COL5A1: variants seen among roughly 807,000 people sequenced by gnomAD.
COL5A1 encodes the protein collagen alpha-1(V) chain.
Under a neutral mutation model 263.7 loss-of-function variants are expected in COL5A1, and 16 were observed. That is an observed-to-expected ratio of 0.06 (90% CI 0.04 to 0.09). The LOEUF is 0.09. COL5A1 is among the 10% of genes least tolerant of loss of function. The pLI is 1.00. For missense variants in COL5A1, 2,036 were observed against 2,540.5 expected (o/e 0.80, Z 4.27); for synonymous variants, 1,012 against 1,004.5 (o/e 1.01, Z -0.14).
Position 134,716,335 on chromosome 9 carries a change from G to A in COL5A1, c.655-10931G>A, listed in dbSNP as rs1834259685. Among the ~76,000 whole-genome samples, 1 of 152,182 alleles carries A rather than the reference G, an allele frequency of 6.6e-6. No individual in the cohort carries two copies. The highest frequency in any genetic ancestry group is 1.9e-4 in the East Asian group (1 of 5,194). On this transcript the variant is annotated intron_variant, in intron 4 of 65. Transcript: ENST00000371817. This position sits in a 1 kb window ranked among gnomAD's most constrained non-coding sequence, Gnocchi z 4.5. Reference sequence around the variant, plus strand: ...TGCCTTCCCTGTGCCATTCTTCTCGGGCAGTGCTGCCAAGGGTCAGGTGGC... The same window carrying A: ...TGCCTTCCCTGTGCCATTCTTCTCGAGCAGTGCTGCCAAGGGTCAGGTGGC...
intron 64 of COL5A1, among the ~76,000 whole-genome samples, chr9:134,831,501 G>A (rs1245229094): frequency 6.6e-6 from 1 of 152,174 alleles, no homozygotes; most frequent in Non-Finnish European, 1.5e-5. Context: ...GGACAGGGAG[G>A]GCCCGGGACC....
At chr9:134,726,458 G>C (rs545686161) in intron 4 of COL5A1, among the ~76,000 whole-genome samples, 1 of 152,214 alleles carries the variant, frequency 6.6e-6, no homozygotes, top group South Asian at 2.1e-4. Flanking sequence ...GAATGGATGA[G>C]TGGATGGATG....
Position 134,821,631 on chromosome 9 carries a change from A to G in COL5A1, c.4555-466A>G, listed in dbSNP as rs1839004411. On this transcript the variant is annotated intron_variant, in intron 58 of 65. Coordinates refer to ENST00000371817, the MANE Select transcript of COL5A1 (RefSeq NM_000093.5). This position sits in a 1 kb window ranked among gnomAD's most constrained non-coding sequence, Gnocchi z 4.2. ...CACGCTCCAAGGATGCAGAAAGCAC[A>G]TTTACAGGCAGGACAGGACAGTCAG... Among the ~76,000 whole-genome samples, 1 of 152,122 alleles carries G rather than the reference A, an allele frequency of 6.6e-6. No homozygotes were observed. The highest frequency in any genetic ancestry group is 1.5e-5 in the Non-Finnish European group (1 of 68,020).
rs1830133642 is a variant in COL5A1, at chr9:134,842,401, G to T, written c.*98G>T. On this transcript the variant is annotated 3_prime_UTR_variant, in exon 66 of 66. Coordinates refer to ENST00000371817, the MANE Select transcript of COL5A1 (RefSeq NM_000093.5). The surrounding 1 kb of genome is among the most constrained non-coding windows in gnomAD (Gnocchi z 5.8). ...CACGTCCTGACCCTGGACAGTGAAGGCTTCTCCCTCCCCTCCCACCTGACT... is the reference window on the plus strand; with the variant it reads ...CACGTCCTGACCCTGGACAGTGAAGTCTTCTCCCTCCCCTCCCACCTGACT... The T allele has an allele frequency of 5.6e-6, 8 of 1,435,560 alleles. No individual in the cohort carries two copies. Among genetic ancestry groups the T allele is most frequent in the Admixed American group, 1.9e-5 (1 of 52,732 alleles). 88.9% of individuals were successfully genotyped at this position (1,435,560 alleles called of 1,614,324 possible).
At chr9:134,822,876 T>C in intron 59 of COL5A1, 122 bp from the exon 60 acceptor site, 2 of 1,113,162 alleles carry the variant, frequency 1.8e-6, no homozygotes, top group Non-Finnish European at 1.3e-6. Context: ...AAGCATAGAC[T>C]CTTGAGGGGG....
chr9:134,738,592 C>A, intron 10 of COL5A1, 77 bp downstream of exon 10: 1 of 1,587,386 alleles, frequency 6.3e-7, no homozygotes, highest in Non-Finnish European at 8.7e-7. Context: ...CCTTATGTCT[C>A]CTGGATGGAA....
At chr9:134,685,254 CCATCCATCCATTAAGT>C (rs1226005215) in intron 1 of COL5A1, among the ~76,000 whole-genome samples, 3 of 110,158 alleles carry the variant, frequency 2.7e-5, no homozygotes, top group Non-Finnish European at 5.6e-5. Flanking sequence ...CATCCATCCA[CCATCCATCCATTAAGT>C]CATCCATCCA....
Position 134,754,326 on chromosome 9 carries a change from G to A in COL5A1, c.1827G>A (p.Arg609=). Residue 609 remains arginine (R), a splice_region_variant and synonymous_variant, in exon 16 of 66, where the codon CGG becomes CGA. Coordinates refer to ENST00000371817, the MANE Select transcript of COL5A1 (RefSeq NM_000093.5). The surrounding 1 kb of genome is among the most constrained non-coding windows in gnomAD (Gnocchi z 4.3). ...GTCCGGCCGGGAAGCCCGGAAGACG[G>A]GTGAGTGGTGCGAGTGTGTGTGGTT... ...PPGPAGKPGR[R]GRAGSDGARG... The A allele has an allele frequency of 6.2e-7, 1 of 1,614,070 alleles. No individual in the cohort carries two copies. The highest frequency in any genetic ancestry group is 8.5e-7 in the Non-Finnish European group (1 of 1,180,054).
In COL5A1 at chr9:134,835,184, G is replaced by T. The variant is rs143859495; in HGVS notation, c.5350G>T (p.Ala1784Ser). The change falls in exon 65 of 66, where the codon GCC (alanine) becomes TCC (serine). Residue 1784 changes from alanine (A) to serine (S), a missense_variant. By Grantham distance (99) the Ala-to-Ser change is moderately conservative. Transcript: ENST00000371817. ...MSYDNNPYIRALVDGCATKKG... is the reference protein window; with the variant it reads ...MSYDNNPYIRSLVDGCATKKG... ...CTATGACAACAACCCCTACATCCGC[G>T]CCCTGGTGGACGGCTGTGCTGTGAG... The T allele has an allele frequency of 7.4e-6, 12 of 1,613,478 alleles. No individual in the cohort carries two copies. In the African/African-American group the frequency reaches 1.3e-4, roughly 18 times the overall value.
At chr9:134,750,092 G>A (rs936361543) in intron 11 of COL5A1, among the ~76,000 whole-genome samples, 3 of 152,278 alleles carry the variant, frequency 2.0e-5, no homozygotes, top group Non-Finnish European at 4.4e-5. Flanking sequence ...CGGCTCGCTC[G>A]GAGCCCATTA....
In COL5A1 at chr9:134,843,442, T is replaced by G. The variant is rs1830159640; in HGVS notation, c.*1139T>G. On this transcript the variant is annotated 3_prime_UTR_variant, in exon 66 of 66. Transcript: ENST00000371817. ...GCGCACTGGGGACCCTGGCCATGCCTCGTTCTCCCTGCTTTCTTTATCCTG... is the reference window on the plus strand; with the variant it reads ...GCGCACTGGGGACCCTGGCCATGCCGCGTTCTCCCTGCTTTCTTTATCCTG... The G allele has an allele frequency of 6.5e-6, 1 of 152,760 alleles. No homozygotes were observed. 9.5% of individuals were successfully genotyped at this position (152,760 alleles called of 1,614,324 possible).
chr9:134,790,508 AC>A (rs1420112837), intron 32 of COL5A1, among the ~76,000 whole-genome samples: 16 of 61,490 alleles, frequency 2.6e-4, no homozygotes, highest in African/African-American at 1.0e-3. Flanking sequence ...CCACCCACCC[AC>A]CCATCCATTC....
chr9:134,760,663 AC>A (rs1836363976), intron 18 of COL5A1, among the ~76,000 whole-genome samples: 3 of 104,008 alleles, frequency 2.9e-5, no homozygotes, highest in Non-Finnish European at 3.8e-5. Flanking sequence ...ACACACACAC[AC>A]CACACATGCA....
Position 134,768,440 on chromosome 9 carries a change from A to T in COL5A1, c.2263A>T (p.Met755Leu), listed in dbSNP as rs745860302. 6.2e-7 allele frequency: 1 copy of T among 1,614,090 alleles called. No homozygotes were observed. Among genetic ancestry groups the T allele is most frequent in the Non-Finnish European group, 8.5e-7 (1 of 1,180,010 alleles). The change falls in exon 25 of 66, where the codon ATG becomes TTG. Residue 755 changes from methionine to leucine, a missense_variant. Transcript: ENST00000371817. ...GPLGKPGLPG[M>L]PGADGPPGHP... The stretch of plus-strand genomic sequence containing the variant: ...CTTGGGGAAACCAGGCCTTCCAGGA[A>T]TGCCCGGTGCTGACGGACCCCCGGT...
At chr9:134,688,879 CT>C (rs767212358) in intron 1 of COL5A1, among the ~76,000 whole-genome samples, 1 of 152,156 alleles carries the variant, frequency 6.6e-6, no homozygotes, top group African/African-American at 2.4e-5. Context: ...TGGGGAGGGG[CT>C]TCATGAATGA....
rs967122148 is a variant in COL5A1 at position 134,794,310 on chromosome 9, C to G, written c.2701-772C>G. On this transcript the variant is annotated intron_variant, in intron 32 of 65. Transcript: ENST00000371817. The surrounding 1 kb of genome is among the most constrained non-coding windows in gnomAD (Gnocchi z 4.3). Reference sequence around the variant, plus strand: ...CATTCATTCCAGCCTGGCGGCAGAGCAAGACTCTGTCTAAAAAAAAAAAAA... The same window carrying G: ...CATTCATTCCAGCCTGGCGGCAGAGGAAGACTCTGTCTAAAAAAAAAAAAA... Among the ~76,000 whole-genome samples the G allele has an allele frequency of 4.2e-5, 6 of 142,818 alleles. No individual in the cohort carries two copies. Among genetic ancestry groups the G allele is most frequent in the Non-Finnish European group, 9.0e-5 (6 of 66,316 alleles). The allele number at this position is 142,818 out of a possible 152,430, so 93.7% of individuals were successfully genotyped here.
chr9:134,642,249 C>T lies in COL5A1; in HGVS notation c.62C>T (p.Pro21Leu), dbSNP rs2132454969. 7.8e-7 allele frequency: 1 copy of T among 1,281,342 alleles called. No homozygotes were observed. Among genetic ancestry groups the T allele is most frequent in the Non-Finnish European group, 9.9e-7 (1 of 1,008,178 alleles). 79.4% of individuals were successfully genotyped at this position (1,281,342 alleles called of 1,614,324 possible). A position where few individuals can be genotyped will look rare whatever the true frequency, so the allele number is the denominator to read the frequency against. Residue 21 changes from proline (P) to leucine (L), a missense_variant, in exon 1 of 66, where the codon CCC (proline) becomes CTC (leucine). Coordinates refer to ENST00000371817, the MANE Select transcript of COL5A1 (RefSeq NM_000093.5). This position sits in a 1 kb window ranked among gnomAD's most constrained non-coding sequence, Gnocchi z 4.5. The stretch of plus-strand genomic sequence containing the variant: ...CTCCGCCCGGGCGCCCCGCTGCTGC[C>T]CCCGCTGCTGCTGCTGCTGCTGTGG... ...SALRPGAPLLPPLLLLLLWAP... is the reference protein window; with the variant it reads ...SALRPGAPLLLPLLLLLLWAP...
At position 134,843,641 on chromosome 9, in the gene COL5A1, C is replaced by T. The variant is rs1830165486; in HGVS notation, c.*1338C>T. ...TGCCTACTTGATTTGAAAACACACACAAGCAATAAAAAGCCTCTTCCTGCA... is the reference window on the plus strand; with the variant it reads ...TGCCTACTTGATTTGAAAACACACATAAGCAATAAAAAGCCTCTTCCTGCA... On this transcript the variant is annotated 3_prime_UTR_variant, in exon 66 of 66. Coordinates refer to ENST00000371817, the MANE Select transcript of COL5A1 (RefSeq NM_000093.5). 6.5e-6 allele frequency: 1 copy of T among 152,692 alleles called. No homozygotes were observed. The highest frequency in any genetic ancestry group is 2.4e-5 in the African/African-American group (1 of 41,468). 9.5% of individuals were successfully genotyped at this position (152,692 alleles called of 1,614,324 possible). A position where few individuals can be genotyped will look rare whatever the true frequency, so the allele number is the denominator to read the frequency against.
rs964311941 is a variant in COL5A1 at position 134,652,148 on chromosome 9, G to A, written c.109+9852G>A. 6.6e-5 allele frequency among the ~76,000 whole-genome samples: 10 copies of A among 152,182 alleles called. No individual in the cohort carries two copies. The highest frequency in any genetic ancestry group is 1.0e-4 in the Non-Finnish European group (7 of 68,042). On this transcript the variant is annotated intron_variant, in intron 1 of 65. Transcript: ENST00000371817. This position sits in a 1 kb window ranked among gnomAD's most constrained non-coding sequence, Gnocchi z 4.4. ...AGGGTAGGGAACGATTTCTGACTGC[G>A]ATTGTAAGAGCTTTCTAGGTAATTA...
Sources: allele counts gnomAD v4.1 joint callset (sites outside exome capture counted in the v4.1 genomes callset), GRCh38; gene constraint gnomAD v4.1.1; non-coding constraint Gnocchi (gnomAD v3.1); transcripts MANE v1.5; gene names NCBI Gene and HGNC (gene_info 2026-07-23, HGNC 2026-07-21).